Variants in CKS2 observed in about 807,000 individuals in gnomAD.
CKS2 encodes the protein CDC28 protein kinase regulatory subunit 2, also known as cyclin-dependent kinases regulatory subunit 2.
CKS2 carries 4 observed loss-of-function variants against 14.3 expected under a neutral mutation model. The ratio of observed to expected loss-of-function variants is 0.28; its 90% confidence interval spans 0.14 to 0.64. The LOEUF (loss-of-function observed/expected upper bound fraction) is 0.64. CKS2 is among the 30% of genes least tolerant of loss of function. The pLI, the probability that CKS2 is intolerant of heterozygous loss-of-function variation, is 0.83. For synonymous variants in CKS2, 33 were observed against 28.7 expected (o/e 1.15, Z -0.48); for missense variants, 71 against 94.3 (o/e 0.75, Z 1.02).
chr9:89,314,698 C>T (rs1481382209), intron 1 of CKS2, among the ~76,000 whole-genome samples: 5 of 152,178 alleles, frequency 3.3e-5, no homozygotes, highest in Admixed American at 1.3e-4. Context: ...CCTCTTGTTG[C>T]TTTACCGTTC....
At chr9:89,311,750 T>C (rs1474804885) in intron 1 of CKS2, among the ~76,000 whole-genome samples, 1 of 152,204 alleles carries the variant, frequency 6.6e-6, no homozygotes, top group African/African-American at 2.4e-5. Context: ...CAGTTCCAGT[T>C]CTTTGAACCA....
At chr9:89,314,373 G>C (rs1824671341) in intron 1 of CKS2, among the ~76,000 whole-genome samples, 1 of 152,168 alleles carries the variant, frequency 6.6e-6, no homozygotes, top group Non-Finnish European at 1.5e-5. Flanking sequence ...GTTTAACTTT[G>C]AAGGTTATTC....
intron 1 of CKS2, among the ~76,000 whole-genome samples, chr9:89,313,249 C>T (rs1395582382): frequency 1.3e-5 from 2 of 152,112 alleles, no homozygotes; most frequent in African/African-American, 4.8e-5. Flanking sequence ...TTTATTTTTC[C>T]CAGTGTGCAG....
intron 1 of CKS2, among the ~76,000 whole-genome samples, chr9:89,314,825 CTT>C (rs1316201740): frequency 1.3e-5 from 2 of 152,170 alleles, no homozygotes; most frequent in Admixed American, 6.5e-5. Flanking sequence ...TTTGAGAACA[CTT>C]TTCATAATAA....
intron 1 of CKS2, among the ~76,000 whole-genome samples, chr9:89,312,756 T>C (rs1824643213): frequency 6.6e-6 from 1 of 152,200 alleles, no homozygotes; most frequent in Non-Finnish European, 1.5e-5. Context: ...TGTTCAATTA[T>C]GCGATGTTAA....
intron 1 of CKS2, 59 bp from the exon 2 acceptor site, chr9:89,315,111 T>TATA: frequency 4.7e-6 from 7 of 1,492,768 alleles, no homozygotes; most frequent in Non-Finnish European, 6.3e-6. Context: ...AAGGTACATG[T>TATA]ATAAAGCGAC....
At chr9:89,312,044 A>G (rs976965171) in intron 1 of CKS2, among the ~76,000 whole-genome samples, 2 of 152,110 alleles carry the variant, frequency 1.3e-5, no homozygotes, top group African/African-American at 4.8e-5. Context: ...AGCCGCAGTC[A>G]TACAATTGAG....
chr9:89,315,392 A>T, intron 2 of CKS2, 95 bp downstream of exon 2: 1 of 1,128,048 alleles, frequency 8.9e-7, no homozygotes, highest in Non-Finnish European at 1.2e-6. Context: ...ATCAAATGAT[A>T]TCTGAAAGTA....
chr9:89,315,595 A>G (rs1824695636), intron 2 of CKS2, among the ~76,000 whole-genome samples: 1 of 152,016 alleles, frequency 6.6e-6, no homozygotes, highest in East Asian at 1.9e-4. Flanking sequence ...ATCCCAAAGC[A>G]TTTTATCATA....
Position 89,315,473 on chromosome 9 carries a change from A to C in CKS2, c.187+176A>C, listed in dbSNP as rs1388593837. 2.6e-5 allele frequency among the ~76,000 whole-genome samples: 4 copies of C among 151,694 alleles called. No individual in the cohort carries two copies. In the South Asian group the frequency reaches 6.2e-4, roughly 24 times the overall value. ...TGGAGAGAGTTCCAATTTTATGGTA[A>C]ATAAAATACCACAGCAGTGAAAGTA... On this transcript the variant is annotated intron_variant, in intron 2 of 2. Coordinates refer to ENST00000314355, the MANE Select transcript of CKS2 (RefSeq NM_001827.3).
At chr9:89,314,456 T>G (rs1280088593) in intron 1 of CKS2, among the ~76,000 whole-genome samples, 10 of 152,160 alleles carry the variant, frequency 6.6e-5, no homozygotes. Flanking sequence ...AACGGTGAGG[T>G]TGCACACAAT....
At chr9:89,313,093 A>G (rs988737463) in intron 1 of CKS2, among the ~76,000 whole-genome samples, 1 of 152,254 alleles carries the variant, frequency 6.6e-6, no homozygotes, top group Non-Finnish European at 1.5e-5. Context: ...TGGCCAAGCC[A>G]GTAACCTTTA....
At chr9:89,312,729 G>C (rs1824642743) in intron 1 of CKS2, among the ~76,000 whole-genome samples, 1 of 152,118 alleles carries the variant, frequency 6.6e-6, no homozygotes, top group Non-Finnish European at 1.5e-5. Context: ...AACTATACTC[G>C]TGTAATATGC....
chr9:89,315,827 A>G (rs1176681993), intron 2 of CKS2, among the ~76,000 whole-genome samples: 2 of 152,180 alleles, frequency 1.3e-5, no homozygotes, highest in Non-Finnish European at 2.9e-5. Context: ...TGGGTTTTCT[A>G]GACTAAAACA....
At chr9:89,314,705 G>A (rs3211681) in intron 1 of CKS2, among the ~76,000 whole-genome samples, 2,343 of 152,220 alleles carry the variant, frequency 0.015, 33 homozygotes, top group Middle Eastern at 0.031. Context: ...TTGCTTTACC[G>A]TTCTCAATTT....
At chr9:89,314,104 T>A (rs1022720402) in intron 1 of CKS2, among the ~76,000 whole-genome samples, 1 of 152,234 alleles carries the variant, frequency 6.6e-6, no homozygotes, top group Non-Finnish European at 1.5e-5. Flanking sequence ...CAGACAGATA[T>A]CTTATACTGG....
chr9:89,313,902 C>T (rs1238425654), intron 1 of CKS2, among the ~76,000 whole-genome samples: 5 of 152,194 alleles, frequency 3.3e-5, no homozygotes, highest in Admixed American at 2.0e-4. Context: ...GACTTGGTGG[C>T]CTTAAGGCAA....
At position 89,316,129 on chromosome 9, in the gene CKS2, G is replaced by A. The variant is rs1824707416; in HGVS notation, c.188-244G>A. 2.0e-5 allele frequency among the ~76,000 whole-genome samples: 3 copies of A among 152,096 alleles called. No homozygotes were observed. In the South Asian group the frequency reaches 6.2e-4, roughly 32 times the overall value. On this transcript the variant is annotated intron_variant, in intron 2 of 2. Transcript: ENST00000314355. ...ATTGAAACAGAATCTATGGGGATGA[G>A]CATTAGTATGAGATCCTGTAGGTGA...
At chr9:89,316,233 A>C (rs1016284635) in intron 2 of CKS2, 140 bp from the exon 3 acceptor site, 2 of 620,604 alleles carry the variant, frequency 3.2e-6, no homozygotes, top group African/African-American at 3.7e-5. Context: ...AACTGTGAAA[A>C]AAAAATCATT....
Sources: gnomAD v4.1 joint callset for allele counts (sites outside exome capture counted in the v4.1 genomes callset) on GRCh38, gnomAD v4.1.1 for gene constraint, MANE v1.5 for transcripts, NCBI Gene and HGNC (gene_info 2026-07-23, HGNC 2026-07-21) for gene names.